PRKN: variants seen among roughly 807,000 people sequenced by gnomAD.
The protein encoded by PRKN is E3 ubiquitin-protein ligase parkin.
A neutral mutation model predicts 59.5 loss-of-function variants in PRKN; 56 were observed. The ratio of observed to expected loss-of-function variants is 0.94; its 90% CI spans 0.76 to 1.18. The LOEUF is 1.18. Among genes scored for constraint, PRKN ranks in the 50% most tolerant of loss-of-function variants. PRKN has a pLI of 0.00. For missense variants in PRKN, 657 were observed against 596.4 expected, an observed-to-expected ratio of 1.10 and a Z score of -1.06; for synonymous variants, 250 against 222.1, an observed-to-expected ratio of 1.13 and a Z score of -1.12.
chr6:162,177,691 A>G (rs1444731835), intron 4 of PRKN, among the ~76,000 whole-genome samples: 1 of 152,214 alleles, frequency 6.6e-6, no homozygotes, highest in Admixed American at 6.5e-5. Flanking sequence ...GTGCCTTCCA[A>G]CTACACCAAG....
intron 6 of PRKN, among the ~76,000 whole-genome samples, chr6:161,839,938 A>G (rs1215142362): frequency 2.0e-5 from 3 of 152,250 alleles, no homozygotes; most frequent in Non-Finnish European, 2.9e-5. Flanking sequence ...AAAATCTGAC[A>G]TATTCAATTT....
At chr6:162,028,324 G>A (rs190974674) in intron 5 of PRKN, among the ~76,000 whole-genome samples, 140 of 152,286 alleles carry the variant, frequency 9.2e-4, no homozygotes, top group Non-Finnish European at 1.7e-3. Context: ...GTATGTCAAT[G>A]TTTTCAGTGA....
At chr6:161,506,035 T>G (rs1297717810) in intron 9 of PRKN, among the ~76,000 whole-genome samples, 2 of 151,726 alleles carry the variant, frequency 1.3e-5, no homozygotes, top group African/African-American at 2.4e-5. Context: ...ATATGAACTT[T>G]AAAGTAGTTT....
intron 7 of PRKN, among the ~76,000 whole-genome samples, chr6:161,684,229 A>AT (rs1455951174): frequency 1.3e-5 from 2 of 152,126 alleles, no homozygotes; most frequent in African/African-American, 2.4e-5. Context: ...AAAAATTTTC[A>AT]TTTTAAGGCT....
chr6:162,523,694 A>T (rs1778161644), intron 1 of PRKN, among the ~76,000 whole-genome samples: 2 of 151,990 alleles, frequency 1.3e-5, no homozygotes, highest in South Asian at 4.1e-4. Flanking sequence ...ATTGGTTATT[A>T]CAACAGATTT....
rs146874499 is a variant in PRKN, at chr6:161,725,975, A to G, written c.871+59797T>C. ...TTCAAATGAAATATGTCCCACATTT[A>G]TTTCAGCACATTCAATGACCATTAT... On this transcript the variant is annotated intron_variant, in intron 7 of 11. Coordinates refer to ENST00000366898, the MANE Select transcript of PRKN (RefSeq NM_004562.3). Among the ~76,000 whole-genome samples the G allele has an allele frequency of 6.8e-3, 1,034 of 152,272 alleles. 17 individuals carry two copies. The highest frequency in any genetic ancestry group is 0.024 in the African/African-American group (978 of 41,558).
At chr6:162,474,534 A>T (rs4709622) in intron 1 of PRKN, among the ~76,000 whole-genome samples, 46,608 of 152,010 alleles carry the variant, frequency 0.31, 7,487 homozygotes, top group East Asian at 0.49. Flanking sequence ...AGTTGTTGTA[A>T]AAGGTATTAA....
chr6:161,873,962 TA>T (rs1794459827), intron 6 of PRKN, among the ~76,000 whole-genome samples: 1 of 84,004 alleles, frequency 1.2e-5, no homozygotes, highest in African/African-American at 4.5e-5. Flanking sequence ...ATATTATATG[TA>T]AAATATAATA....
chr6:162,335,216 A>G (rs1031230894), intron 2 of PRKN, among the ~76,000 whole-genome samples: 3 of 145,174 alleles, frequency 2.1e-5, no homozygotes, highest in African/African-American at 7.7e-5. Context: ...TAATTGTTGT[A>G]TTTTTAGTAG....
chr6:162,640,918 A>G (rs1259563828), intron 1 of PRKN, among the ~76,000 whole-genome samples: 1 of 152,160 alleles, frequency 6.6e-6, no homozygotes, highest in Non-Finnish European at 1.5e-5. Context: ...GCTTGATGGT[A>G]AGACTCATGG....
intron 7 of PRKN, among the ~76,000 whole-genome samples, chr6:161,614,988 AG>A (rs1562560667): frequency 1.4e-4 from 21 of 147,246 alleles, no homozygotes; most frequent in African/African-American, 5.1e-4. Context: ...AGAGAGAGAG[AG>A]AGAGAGAGAG....
At chr6:161,751,172 T>C (rs144994095) in intron 7 of PRKN, among the ~76,000 whole-genome samples, 229 of 152,364 alleles carry the variant, frequency 1.5e-3, no homozygotes, top group African/African-American at 5.3e-3. Context: ...ACCTGTCATT[T>C]ACTCAGGTCT....
intron 5 of PRKN, among the ~76,000 whole-genome samples, chr6:162,048,784 T>A (rs1777498078): frequency 1.3e-5 from 2 of 151,598 alleles, no homozygotes; most frequent in Non-Finnish European, 2.9e-5. Context: ...CATTCAAAGC[T>A]ATCCTGGGCT....
At chr6:162,272,485 C>CT (rs1780439418) in intron 2 of PRKN, among the ~76,000 whole-genome samples, 1 of 151,882 alleles carries the variant, frequency 6.6e-6, no homozygotes, top group Admixed American at 6.6e-5. Flanking sequence ...TATAGAATTA[C>CT]TGGGGTCAGG....
intron 1 of PRKN, among the ~76,000 whole-genome samples, chr6:162,724,229 T>C (rs1381558618): frequency 6.6e-6 from 1 of 152,244 alleles, no homozygotes; most frequent in Non-Finnish European, 1.5e-5. Flanking sequence ...AGCTTTTCTA[T>C]TCTGCTTTAT....
rs1017101659 is a variant in PRKN at position 161,440,107 on chromosome 6, C to T, written c.1084-53230G>A. On this transcript the variant is annotated intron_variant, in intron 9 of 11. Coordinates refer to ENST00000366898, the MANE Select transcript of PRKN (RefSeq NM_004562.3). This position sits in a 1 kb window ranked among gnomAD's most constrained non-coding sequence, Gnocchi z 4.1. ...CTGGGACTACAGGCGCCCACCACCA[C>T]GCCCGGCTAATTTTTTTTGGTATTT... Among the ~76,000 whole-genome samples the T allele has an allele frequency of 6.6e-6, 1 of 152,040 alleles. No homozygotes were observed. Among genetic ancestry groups the T allele is most frequent in the Admixed American group, 6.6e-5 (1 of 15,264 alleles).
rs1214033290 is a variant in PRKN at position 161,447,758 on chromosome 6, G to T, written c.1084-60881C>A. On this transcript the variant is annotated intron_variant, in intron 9 of 11. Transcript: ENST00000366898. The surrounding 1 kb of genome is among the most constrained non-coding windows in gnomAD (Gnocchi z 4.1). ...TCAGCCCGCCTCGGCCTCCCAATGT[G>T]CTGGGATTACAGGTATGAGCCACCG... 2.0e-5 allele frequency among the ~76,000 whole-genome samples: 3 copies of T among 152,190 alleles called. No individual in the cohort carries two copies. Among genetic ancestry groups the T allele is most frequent in the Non-Finnish European group, 4.4e-5 (3 of 68,034 alleles).
intron 6 of PRKN, among the ~76,000 whole-genome samples, chr6:161,900,468 T>A (rs1310711787): frequency 7.0e-6 from 1 of 142,654 alleles, no homozygotes; most frequent in African/African-American, 2.6e-5. Context: ...ATACATAATT[T>A]ACTATGTAAT....
intron 1 of PRKN, among the ~76,000 whole-genome samples, chr6:162,498,608 G>C (rs1793210799): frequency 6.6e-6 from 1 of 150,592 alleles, no homozygotes; most frequent in Non-Finnish European, 1.5e-5. Flanking sequence ...ACCACGCCTG[G>C]CTAATTTTGT....
Sources: gnomAD v4.1 joint callset for allele counts (sites outside exome capture counted in the v4.1 genomes callset) on GRCh38, gnomAD v4.1.1 for gene constraint, Gnocchi (gnomAD v3.1) non-coding constraint, MANE v1.5 for transcripts, NCBI Gene and HGNC (gene_info 2026-07-23, HGNC 2026-07-21) for gene names.